Variants in GNB5 observed in about 807,000 individuals in gnomAD.
GNB5 encodes the protein G protein subunit beta 5.
GNB5 carries 37 observed loss-of-function variants against 55.3 expected under a neutral mutation model. The observed-to-expected ratio is 0.67, with a 90% CI of 0.51 to 0.88. The LOEUF (loss-of-function observed/expected upper bound fraction) is 0.88. Among genes scored for constraint, GNB5 ranks in the 40% least tolerant of loss-of-function variants. The pLI is 0.00. For missense variants in GNB5, 476 were observed against 515.3 expected (o/e 0.92, Z 0.74); for synonymous variants, 219 against 198.5 (o/e 1.10, Z -0.87).
intron 7 of GNB5, chr15:52,137,577 A>G: frequency 9.4e-7 from 1 of 1,062,772 alleles, no homozygotes; most frequent in Non-Finnish European, 1.1e-6. Flanking sequence ...TTACAAGTAC[A>G]AAGGTCAGCC....
intron 9 of GNB5, among the ~76,000 whole-genome samples, chr15:52,129,995 A>G (rs868364698): frequency 3.9e-5 from 6 of 152,210 alleles, no homozygotes; most frequent in African/African-American, 1.2e-4. Flanking sequence ...CCATGTGATC[A>G]TGTTCTGGCT....
intron 11 of GNB5, 35 bp downstream of exon 11, chr15:52,125,913 C>T: frequency 1.2e-6 from 1 of 854,300 alleles, no homozygotes; most frequent in Non-Finnish European, 2.0e-6. Flanking sequence ...TCCTGTCTTA[C>T]AGTCCTGGGA....
At position 52,116,688 on chromosome 15, in the gene GNB5, T is replaced by G. The variant is rs1221680649; in HGVS notation, c.*6069A>C. 2.0e-5 allele frequency: 3 copies of G among 152,120 alleles called. No homozygotes were observed. The highest frequency in any genetic ancestry group is 4.4e-5 in the Non-Finnish European group (3 of 68,030). 9.4% of individuals were successfully genotyped at this position (152,120 alleles called of 1,614,324 possible). A position where few individuals can be genotyped will look rare whatever the true frequency, so the allele number is the denominator to read the frequency against. On this transcript the variant is annotated 3_prime_UTR_variant, in exon 13 of 13. Coordinates refer to ENST00000261837, the MANE Select transcript of GNB5 (RefSeq NM_016194.4). ...CATGAAGAGGGGATTCTCATGCTTGTATGCCTAATACCAAAAATGATCACA... is the reference window on the plus strand; with the variant it reads ...CATGAAGAGGGGATTCTCATGCTTGGATGCCTAATACCAAAAATGATCACA...
chr15:52,190,187 G>A (rs904122498), intron 1 of GNB5, among the ~76,000 whole-genome samples: 57 of 150,238 alleles, frequency 3.8e-4, no homozygotes, highest in Non-Finnish European at 6.6e-4. Flanking sequence ...GCGCAATCTC[G>A]GCTCACTGTA....
intron 3 of GNB5, among the ~76,000 whole-genome samples, chr15:52,166,281 A>T (rs921838973): frequency 5.9e-5 from 9 of 152,224 alleles, no homozygotes; most frequent in African/African-American, 1.2e-4. Flanking sequence ...TAGACAGATC[A>T]TTGAGAGAGA....
At chr15:52,128,637 T>TTAC in intron 9 of GNB5, 2 of 490,074 alleles carry the variant, frequency 4.1e-6, no homozygotes, top group South Asian at 3.1e-5. Flanking sequence ...CACTGACCAT[T>TTAC]TACTACCTGC....
In GNB5 at chr15:52,184,629, T is replaced by G; in HGVS notation, c.48A>C (p.Lys16Asn). The change falls in exon 2 of 13, where the codon AAA becomes AAC. Residue 16 changes from lysine (K) to asparagine (N), a missense_variant. By Grantham distance (94) the Lys-to-Asn change is moderately conservative. Transcript: ENST00000261837. Reference sequence around the variant, plus strand: ...GTCTCAGAGCTCGTTGTTTGAAACATTTGTCACATGAGCCAAATACATTAA... The same window carrying G: ...GTCTCAGAGCTCGTTGTTTGAAACAGTTGTCACATGAGCCAAATACATTAA... ...FLVNVFGSCD[K>N]CFKQRALRPV... The G allele has an allele frequency of 6.2e-7, 1 of 1,613,198 alleles. No individual in the cohort carries two copies. Among genetic ancestry groups the G allele is most frequent in the Non-Finnish European group, 8.5e-7 (1 of 1,179,126 alleles).
intron 5 of GNB5, chr15:52,149,600 G>A (rs2034048205): frequency 3.4e-6 from 2 of 594,464 alleles, no homozygotes; most frequent in African/African-American, 3.7e-5. Flanking sequence ...AGTTGCACAT[G>A]TGGTTGCAAG....
intron 7 of GNB5, chr15:52,139,935 C>G: frequency 7.8e-7 from 1 of 1,286,262 alleles, no homozygotes; most frequent in South Asian, 1.2e-5. Context: ...CTGCCTTCAT[C>G]CAGCCTAAAT....
rs760938448 is a variant in GNB5 at position 52,121,316 on chromosome 15, C to G, written c.*1441G>C. ...GAGGCAGGCCTCACCAGGAATGACACCTGGTGTCTGAGGTGACCTTTTATT... is the reference window on the plus strand; with the variant it reads ...GAGGCAGGCCTCACCAGGAATGACAGCTGGTGTCTGAGGTGACCTTTTATT... On this transcript the variant is annotated 3_prime_UTR_variant, in exon 13 of 13. Coordinates refer to ENST00000261837, the MANE Select transcript of GNB5 (RefSeq NM_016194.4). 1 of 152,236 alleles carries G rather than the reference C, an allele frequency of 6.6e-6. No homozygotes were observed. The highest frequency in any genetic ancestry group is 1.5e-5 in the Non-Finnish European group (1 of 68,058). The allele number at this position is 152,236 out of a possible 1,614,324, so 9.4% of individuals were successfully genotyped here.
Position 52,163,208 on chromosome 15 carries a change from C to T in GNB5, c.239-9132G>A, listed in dbSNP as rs763692119. On this transcript the variant is annotated intron_variant, in intron 3 of 12. Coordinates refer to ENST00000261837, the MANE Select transcript of GNB5 (RefSeq NM_016194.4). The stretch of plus-strand genomic sequence containing the variant: ...GGGAGATCACCTCGTGAGCCCAAGA[C>T]GCCGAGGGCCTTGGGTCTAAAGCAC... Among the ~76,000 whole-genome samples, 13 of 152,312 alleles carry T rather than the reference C, an allele frequency of 8.5e-5. No homozygotes were observed. The South Asian group carries it at 1.2e-3, about 15-fold the overall frequency.
chr15:52,156,308 T>C (rs1182400842), intron 3 of GNB5, among the ~76,000 whole-genome samples: 1 of 152,270 alleles, frequency 6.6e-6, no homozygotes, highest in African/African-American at 2.4e-5. Flanking sequence ...TCCTTCCCTG[T>C]CCTTGCTCTA....
chr15:52,187,630 G>T (rs914679094), intron 1 of GNB5, among the ~76,000 whole-genome samples: 5 of 152,136 alleles, frequency 3.3e-5, no homozygotes, highest in African/African-American at 7.2e-5. Flanking sequence ...AATTATAAAA[G>T]ATGCTGATAA....
chr15:52,177,650 C>CAAAAAA (rs112539098), intron 3 of GNB5, among the ~76,000 whole-genome samples: 2 of 92,066 alleles, frequency 2.2e-5, no homozygotes, highest in Non-Finnish European at 4.9e-5. Flanking sequence ...GACTCCGTGT[C>CAAAAAA]AAAAAAAAAA....
intron 9 of GNB5, 36 bp downstream of exon 9, chr15:52,133,342 G>C: frequency 7.3e-7 from 1 of 1,377,770 alleles, no homozygotes; most frequent in East Asian, 2.3e-5. Context: ...AATGCCGGCA[G>C]AACAGAGAGG....
At chr15:52,128,398 C>T (rs994058912) in intron 9 of GNB5, 154 bp from the exon 10 acceptor site, 24 of 636,580 alleles carry the variant, frequency 3.8e-5, no homozygotes, top group Non-Finnish European at 8.5e-6. Context: ...ATGTCAGGCC[C>T]ACTGATCTCT....
At position 52,142,273 on chromosome 15, in the gene GNB5, G is replaced by C. The variant is rs542994489; in HGVS notation, c.495-1001C>G. Among the ~76,000 whole-genome samples, 5 of 152,214 alleles carry C rather than the reference G, an allele frequency of 3.3e-5. No homozygotes were observed. In the East Asian group the frequency reaches 9.6e-4, roughly 29 times the overall value. On this transcript the variant is annotated intron_variant, in intron 6 of 12. Transcript: ENST00000261837. ...AATAATCTGTGGTGTGATATTTTGA[G>C]ACCATAAAAATATCATTTTCTCCAA... is the stretch of plus-strand genomic sequence containing the variant.
At chr15:52,173,665 A>G (rs1183399469) in intron 3 of GNB5, among the ~76,000 whole-genome samples, 1 of 152,224 alleles carries the variant, frequency 6.6e-6, no homozygotes, top group African/African-American at 2.4e-5. Flanking sequence ...ACTTTCTAAG[A>G]GAAGGTCTAG....
At chr15:52,153,877 C>T (rs1382106476) in intron 4 of GNB5, 63 bp downstream of exon 4, 7 of 1,361,842 alleles carry the variant, frequency 5.1e-6, no homozygotes, top group Non-Finnish European at 6.2e-6. Flanking sequence ...AGGGACAGCT[C>T]TCCTCCCCCT....
Sources: allele counts gnomAD v4.1 joint callset (sites outside exome capture counted in the v4.1 genomes callset), GRCh38; gene constraint gnomAD v4.1.1; transcripts MANE v1.5; gene names NCBI Gene and HGNC (gene_info 2026-07-23, HGNC 2026-07-21).